Variants in GPHN observed in about 807,000 individuals in gnomAD.
The protein encoded by GPHN is gephyrin.
GPHN carries 17 observed loss-of-function variants against 95.5 expected under a neutral mutation model. The observed-to-expected ratio is 0.18, with a 90% confidence interval of 0.12 to 0.27. The LOEUF (loss-of-function observed/expected upper bound fraction) is 0.27, where lower values mean the gene tolerates loss of function less well. GPHN is among the 10% of genes least tolerant of loss of function. The pLI is 1.00. For synonymous variants in GPHN, 320 were observed against 322.5 expected (o/e 0.99, Z 0.08); for missense variants, 660 against 978.1 (o/e 0.67, Z 4.34).
chr14:66,508,947 C>T, intron 1 of GPHN: 1 of 358,166 alleles, frequency 2.8e-6, no homozygotes, highest in Non-Finnish European at 5.3e-6. Context: ...AAGCATGCCG[C>T]TCTCGGCTGG....
At chr14:67,097,987 T>C (rs550328636) in intron 12 of GPHN, among the ~76,000 whole-genome samples, 1 of 152,194 alleles carries the variant, frequency 6.6e-6, no homozygotes, top group Non-Finnish European at 1.5e-5. Flanking sequence ...TTTTTATCCT[T>C]TTCATTAGAA....
At chr14:66,728,165 A>G (rs144195133) in intron 2 of GPHN, among the ~76,000 whole-genome samples, 607 of 152,200 alleles carry the variant, frequency 4.0e-3, no homozygotes, top group Middle Eastern at 0.014. Flanking sequence ...GAAGTCAAGA[A>G]TTGGGGTTTG....
intron 1 of GPHN, among the ~76,000 whole-genome samples, chr14:66,582,923 T>C (rs1315628250): frequency 6.6e-6 from 1 of 152,216 alleles, no homozygotes; most frequent in East Asian, 1.9e-4. Flanking sequence ...CTGGGTCAAA[T>C]GGTATTTCTA....
At chr14:67,340,893 C>G in the GPHN span, among the ~76,000 whole-genome samples, 3 of 152,236 alleles carry the variant, frequency 2.0e-5, no homozygotes, top group Non-Finnish European at 4.4e-5. Context: ...CCAGGCTGGT[C>G]TCCAGCTCCT....
At chr14:67,202,380 G>A in the GPHN span, among the ~76,000 whole-genome samples, 1 of 152,140 alleles carries the variant, frequency 6.6e-6, no homozygotes, top group Non-Finnish European at 1.5e-5. Flanking sequence ...GGCAGAGGTT[G>A]TAGTAAGCCG....
At chr14:67,153,745 G>GT (rs2081417929) in intron 18 of GPHN, among the ~76,000 whole-genome samples, 1 of 152,126 alleles carries the variant, frequency 6.6e-6, no homozygotes, top group South Asian at 2.1e-4. Context: ...TCTGACCACT[G>GT]GTGTTTCTCC....
intron 1 of GPHN, among the ~76,000 whole-genome samples, chr14:66,626,690 A>G (rs373673014): frequency 6.6e-6 from 1 of 152,238 alleles, no homozygotes; most frequent in African/African-American, 2.4e-5. Flanking sequence ...TGGAAGTAGT[A>G]TATTTGCCTT....
chr14:67,631,859 G>A, the GPHN span, among the ~76,000 whole-genome samples: 1 of 151,962 alleles, frequency 6.6e-6, no homozygotes, highest in Non-Finnish European at 1.5e-5. Flanking sequence ...GTATGCTGAT[G>A]CCACCCAAAG....
chr14:66,773,138 A>G lies in GPHN; in HGVS notation c.144-3326A>G, dbSNP rs111295631. 3.1e-3 allele frequency among the ~76,000 whole-genome samples: 467 copies of G among 152,244 alleles called. 11 individuals carry two copies. The highest frequency in any genetic ancestry group is 0.011 in the African/African-American group (442 of 41,532). On this transcript the variant is annotated intron_variant, in intron 2 of 22. Coordinates refer to ENST00000478722, the MANE Select transcript of GPHN (RefSeq NM_020806.5). Reference sequence around the variant, plus strand: ...GCATGTAAAGAGCAGAGCTACTCCTACTTTGGGAAGTGCAATCGGGCAGAC... The same window carrying G: ...GCATGTAAAGAGCAGAGCTACTCCTGCTTTGGGAAGTGCAATCGGGCAGAC...
chr14:67,160,126 T>G (rs2081885457), intron 19 of GPHN, among the ~76,000 whole-genome samples: 1 of 152,104 alleles, frequency 6.6e-6, no homozygotes, highest in South Asian at 2.1e-4. Flanking sequence ...GTCGACTCAG[T>G]GTATTTGTTT....
At chr14:67,057,100 G>T (rs1346138784) in intron 10 of GPHN, among the ~76,000 whole-genome samples, 2 of 152,142 alleles carry the variant, frequency 1.3e-5, no homozygotes, top group African/African-American at 4.8e-5. Flanking sequence ...GCCGGCTCTG[G>T]CCTCGGCCAG....
intron 3 of GPHN, among the ~76,000 whole-genome samples, chr14:66,812,125 G>A (rs1235979003): frequency 6.6e-6 from 1 of 152,174 alleles, no homozygotes; most frequent in African/African-American, 2.4e-5. Context: ...AAAGGAGAGA[G>A]CCAAAGAGGG....
At chr14:67,387,175 C>CTGTT in the GPHN span, 5 of 650,902 alleles carry the variant, frequency 7.7e-6, no homozygotes, top group Non-Finnish European at 1.2e-5. Context: ...GGCACCACTG[C>CTGTT]TGTTTGTAAT....
chr14:67,486,221 T>A, the GPHN span, among the ~76,000 whole-genome samples: 1 of 152,202 alleles, frequency 6.6e-6, no homozygotes, highest in African/African-American at 2.4e-5. Context: ...TGGGGCCAGG[T>A]CTTTCTCATG....
At position 66,539,619 on chromosome 14, in the gene GPHN, T is replaced by C. The variant is rs1406277975; in HGVS notation, c.64+31028T>C. Among the ~76,000 whole-genome samples the C allele has an allele frequency of 5.5e-5, 8 of 145,058 alleles. No individual in the cohort carries two copies. In the Admixed American group the frequency reaches 5.5e-4, roughly 10 times the overall value. ...GGTAGAGACGGGTGTTGGTCAGGCTTCGTGTTGGTCAGGCTGGTTTCGAAC... is the reference window on the plus strand; with the variant it reads ...GGTAGAGACGGGTGTTGGTCAGGCTCCGTGTTGGTCAGGCTGGTTTCGAAC... On this transcript the variant is annotated intron_variant, in intron 1 of 22. Transcript: ENST00000478722.
At chr14:66,655,409 A>G (rs764441453) in intron 1 of GPHN, among the ~76,000 whole-genome samples, 2 of 152,128 alleles carry the variant, frequency 1.3e-5, no homozygotes, top group Non-Finnish European at 2.9e-5. Flanking sequence ...TCATGTGTCC[A>G]TGGCTAATAT....
chr14:66,590,255 A>G (rs771478600), intron 1 of GPHN, among the ~76,000 whole-genome samples: 2 of 152,234 alleles, frequency 1.3e-5, no homozygotes, highest in Middle Eastern at 6.8e-3. Flanking sequence ...TAACATCACA[A>G]TAAAAGAACT....
chr14:66,920,025 C>T (rs1253131981), intron 6 of GPHN, among the ~76,000 whole-genome samples: 7 of 152,130 alleles, frequency 4.6e-5, no homozygotes, highest in African/African-American at 7.2e-5. Flanking sequence ...AAGATGGCGC[C>T]ATTGCACTCC....
At chr14:67,280,383 A>G in the GPHN span, among the ~76,000 whole-genome samples, 1 of 152,126 alleles carries the variant, frequency 6.6e-6, no homozygotes, top group Non-Finnish European at 1.5e-5. Flanking sequence ...ATATATTTCT[A>G]CTTTTTTGTA....
Sources: allele counts gnomAD v4.1 joint callset (sites outside exome capture counted in the v4.1 genomes callset), GRCh38; gene constraint gnomAD v4.1.1; transcripts MANE v1.5; gene names NCBI Gene and HGNC (gene_info 2026-07-23, HGNC 2026-07-21).